The following ANKRD33B variants were observed in gnomAD, a reference collection of about 807,000 sequenced individuals.
ANKRD33B encodes the protein ankyrin repeat domain-containing protein 33B.
In ANKRD33B, 6 loss-of-function variants were observed where a neutral mutation model predicts 21.5. The ratio of observed to expected loss-of-function variants is 0.28; its 90% CI spans 0.15 to 0.55. ANKRD33B has a LOEUF of 0.55. Ranked by LOEUF, ANKRD33B falls within the 20% of genes least tolerant of loss-of-function variation. ANKRD33B has a pLI of 0.94. For synonymous variants in ANKRD33B, 347 were observed against 342.4 expected (o/e 1.01, Z -0.15); for missense variants, 698 against 747.2 (o/e 0.93, Z 0.77).
intron 1 of ANKRD33B, among the ~76,000 whole-genome samples, chr5:10,603,001 A>T (rs1476701378): frequency 1.3e-5 from 2 of 151,794 alleles, no homozygotes; most frequent in Non-Finnish European, 2.9e-5. Flanking sequence ...TTTTGTAGAG[A>T]CGCGGTTTTG....
intron 2 of ANKRD33B, among the ~76,000 whole-genome samples, chr5:10,626,836 C>A (rs1198729782): frequency 6.6e-6 from 1 of 152,196 alleles, no homozygotes. Context: ...GTCACAAGCC[C>A]GTGCCAAACC....
chr5:10,619,156 G>C lies in ANKRD33B; in HGVS notation c.496+694G>C, dbSNP rs1435727301. ...ACACTTCATTTGGAACAGTGGTCTT[G>C]ACCAGGTTTATCACTGACCCCTTTC... On this transcript the variant is annotated intron_variant, in intron 2 of 3. Transcript: ENST00000296657. The surrounding 1 kb of genome is among the most constrained non-coding windows in gnomAD (Gnocchi z 4.5). The C allele has an allele frequency of 4.3e-6, 1 of 233,332 alleles. No individual in the cohort carries two copies. Among genetic ancestry groups the C allele is most frequent in the Admixed American group, 6.5e-5 (1 of 15,358 alleles). The allele number at this position is 233,332 out of a possible 1,614,324, so 14.5% of individuals were successfully genotyped here.
intron 1 of ANKRD33B, among the ~76,000 whole-genome samples, chr5:10,599,527 A>G (rs1253289353): frequency 6.6e-6 from 1 of 151,564 alleles, no homozygotes; most frequent in Non-Finnish European, 1.5e-5. Context: ...CCTCTAACCT[A>G]TTTTCTGCCT....
At chr5:10,605,220 G>T (rs1736019943) in intron 1 of ANKRD33B, among the ~76,000 whole-genome samples, 1 of 152,344 alleles carries the variant, frequency 6.6e-6, no homozygotes, top group Non-Finnish European at 1.5e-5. Flanking sequence ...AAAGCTGCAA[G>T]ATCTTTTAGG....
intron 1 of ANKRD33B, among the ~76,000 whole-genome samples, chr5:10,580,703 G>T (rs962323004): frequency 6.6e-6 from 1 of 152,004 alleles, no homozygotes; most frequent in Non-Finnish European, 1.5e-5. Context: ...GGTGTCGGGG[G>T]TGAGGCTTGG....
intron 3 of ANKRD33B, among the ~76,000 whole-genome samples, chr5:10,641,118 A>G (rs987282800): frequency 4.0e-5 from 6 of 151,810 alleles, no homozygotes; most frequent in African/African-American, 1.5e-4. Context: ...GAGTTTTCCC[A>G]GGCATCAGTG....
rs192582089 is a variant in ANKRD33B, at chr5:10,592,496, G to A, written c.367-25837G>A. On this transcript the variant is annotated intron_variant, in intron 1 of 3. Coordinates refer to ENST00000296657, the MANE Select transcript of ANKRD33B (RefSeq NM_001164440.2). ...AAAAAAATTAGGTGGACGTGGTGGC[G>A]GCTGTAATCCCAGCTACTTGGAAGG... Among the ~76,000 whole-genome samples the A allele has an allele frequency of 7.3e-5, 11 of 149,874 alleles. No homozygotes were observed. The East Asian group carries it at 1.4e-3, about 19-fold the overall frequency.
chr5:10,595,273 C>G (rs1735795938), intron 1 of ANKRD33B, among the ~76,000 whole-genome samples: 2 of 152,088 alleles, frequency 1.3e-5, no homozygotes, highest in African/African-American at 4.8e-5. Flanking sequence ...TGAAGGCTGC[C>G]GTAACAAATG....
At chr5:10,642,401 C>T (rs1167328932) in intron 3 of ANKRD33B, among the ~76,000 whole-genome samples, 3 of 152,198 alleles carry the variant, frequency 2.0e-5, no homozygotes, top group African/African-American at 4.8e-5. Flanking sequence ...GAACAATCCA[C>T]GGATTATTGT....
Position 10,618,347 on chromosome 5 carries a change from C to A in ANKRD33B, c.381C>A (p.Val127=), listed in dbSNP as rs1010566957. ...TDRNGRTGLI[V]ACYHGFVDTV... is the part of the protein sequence containing the mutation. ...TTCATTTCTAGACCGGCCTTATTGTCGCCTGCTACCACGGCTTTGTGGATA... is the reference window on the plus strand; with the variant it reads ...TTCATTTCTAGACCGGCCTTATTGTAGCCTGCTACCACGGCTTTGTGGATA... Residue 127 remains valine, a synonymous_variant, in exon 2 of 4, where the codon GTC becomes GTA. Transcript: ENST00000296657. 1 of 1,537,474 alleles carries A rather than the reference C, an allele frequency of 6.5e-7. No individual in the cohort carries two copies. The highest frequency in any genetic ancestry group is 8.7e-7 in the Non-Finnish European group (1 of 1,147,068).
At chr5:10,637,982 T>G in intron 2 of ANKRD33B, 46 bp from the exon 3 acceptor site, 2 of 1,524,120 alleles carry the variant, frequency 1.3e-6, no homozygotes, top group Non-Finnish European at 1.8e-6. Context: ...AACCAGCACA[T>G]TTTGTGGAAG....
chr5:10,641,389 C>G (rs183965965), intron 3 of ANKRD33B, among the ~76,000 whole-genome samples: 1 of 152,014 alleles, frequency 6.6e-6, no homozygotes, highest in East Asian at 1.9e-4. Flanking sequence ...CCACCACGCA[C>G]AGCTAATTTT....
intron 2 of ANKRD33B, among the ~76,000 whole-genome samples, chr5:10,622,579 T>A (rs1174266206): frequency 6.6e-6 from 1 of 152,206 alleles, no homozygotes. Context: ...ACCTATTGAA[T>A]TTTTCTAAGA....
rs1303349688 is a variant in ANKRD33B at position 10,654,627 on chromosome 5, A to G, written c.*4514A>G. ...AGAAATGGCTTTGGGGTAGGTGTGA[A>G]GTTGCTTCAGTCCCTCTGAGTTGCC... On this transcript the variant is annotated 3_prime_UTR_variant, in exon 4 of 4. Coordinates refer to ENST00000296657, the MANE Select transcript of ANKRD33B (RefSeq NM_001164440.2). 1 of 152,306 alleles carries G rather than the reference A, an allele frequency of 6.6e-6. No homozygotes were observed. The highest frequency in any genetic ancestry group is 2.4e-5 in the African/African-American group (1 of 41,410). The allele number at this position is 152,306 out of a possible 1,614,324, so 9.4% of individuals were successfully genotyped here. A position where few individuals can be genotyped will look rare whatever the true frequency, so the allele number is the denominator to read the frequency against.
rs1736358021 is a variant in ANKRD33B, at chr5:10,619,236, C to G, written c.496+774C>G. ...GTTTCATCGGTCAAGTTCTCAGTTG[C>G]AAGCAAAGAAGCTGCCTGCAGCTGA... On this transcript the variant is annotated intron_variant, in intron 2 of 3. Coordinates refer to ENST00000296657, the MANE Select transcript of ANKRD33B (RefSeq NM_001164440.2). This position sits in a 1 kb window ranked among gnomAD's most constrained non-coding sequence, Gnocchi z 4.5. 10 of 930,568 alleles carry G rather than the reference C, an allele frequency of 1.1e-5. No individual in the cohort carries two copies. Among genetic ancestry groups the G allele is most frequent in the Non-Finnish European group, 1.3e-5 (10 of 780,022 alleles). 57.6% of individuals were successfully genotyped at this position (930,568 alleles called of 1,614,324 possible). A position where few individuals can be genotyped will look rare whatever the true frequency, so the allele number is the denominator to read the frequency against.
At chr5:10,635,824 A>G (rs1462245687) in intron 2 of ANKRD33B, among the ~76,000 whole-genome samples, 3 of 152,014 alleles carry the variant, frequency 2.0e-5, no homozygotes, top group Non-Finnish European at 4.4e-5. Flanking sequence ...GACAGAAGCC[A>G]CTTGATATAT....
Position 10,655,980 on chromosome 5 carries a change from C to T in ANKRD33B, c.*5867C>T, listed in dbSNP as rs1321114321. Reference sequence around the variant, plus strand: ...AACAATAAAGTCCCATTGATGACAACTGCAGTGGGATGAATGCCATTGCAG... The same window carrying T: ...AACAATAAAGTCCCATTGATGACAATTGCAGTGGGATGAATGCCATTGCAG... On this transcript the variant is annotated 3_prime_UTR_variant, in exon 4 of 4. Transcript: ENST00000296657. 1 of 152,338 alleles carries T rather than the reference C, an allele frequency of 6.6e-6. No homozygotes were observed. Among genetic ancestry groups the T allele is most frequent in the African/African-American group, 2.4e-5 (1 of 41,450 alleles). The allele number at this position is 152,338 out of a possible 1,614,324, so 9.4% of individuals were successfully genotyped here.
intron 2 of ANKRD33B, among the ~76,000 whole-genome samples, chr5:10,623,465 G>A (rs1736469952): frequency 6.6e-6 from 1 of 152,218 alleles, no homozygotes; most frequent in African/African-American, 2.4e-5. Flanking sequence ...AAGGAAATAA[G>A]CAGCTCTCTG....
Position 10,564,669 on chromosome 5 carries a change from G to C in ANKRD33B, c.202G>C (p.Gly68Arg). 1.3e-6 allele frequency: 2 copies of C among 1,534,828 alleles called. No homozygotes were observed. Among genetic ancestry groups the C allele is most frequent in the Middle Eastern group, 2.2e-4 (1 of 4,632 alleles). ...FYPFEDEEEH[G>R]VESAESVPEG... ...CCCTTTCGAGGACGAGGAGGAGCAC[G>C]GCGTCGAGAGCGCGGAGAGCGTCCC... is the stretch of plus-strand genomic sequence containing the variant. Residue 68 changes from glycine to arginine, a missense_variant, in exon 1 of 4, where the codon GGC becomes CGC. Gly to Arg is a moderately radical substitution (Grantham distance 125). This residue lies in a region of ANKRD33B where 148 missense variants were observed against 154.9 expected (regional missense o/e 0.96). Transcript: ENST00000296657.
Sources: gnomAD v4.1 joint callset for allele counts (sites outside exome capture counted in the v4.1 genomes callset) on GRCh38, gnomAD v4.1.1 for gene constraint, gnomAD v4.1.1 regional missense constraint, Gnocchi (gnomAD v3.1) non-coding constraint, MANE v1.5 for transcripts, NCBI Gene and HGNC (gene_info 2026-07-23, HGNC 2026-07-21) for gene names.